The following TRIM55 variants were observed in gnomAD, a reference collection of about 807,000 sequenced individuals.
The protein encoded by TRIM55 is tripartite motif containing 55, also known as tripartite motif-containing protein 55.
In TRIM55, 50 loss-of-function variants were observed where a neutral mutation model predicts 60.9. That is an observed-to-expected ratio of 0.82 (90% CI 0.65 to 1.04). The LOEUF is 1.04. Among genes scored for constraint, TRIM55 ranks in the 50% least tolerant of loss-of-function variants. The pLI, the probability that TRIM55 is intolerant of heterozygous loss-of-function variation, is 0.00. For missense variants in TRIM55, 681 were observed against 666.9 expected (o/e 1.02, Z -0.23); for synonymous variants, 237 against 238.1 (o/e 1.00, Z 0.04).
rs61738600 is a variant in TRIM55, at chr8:66,150,348, G to A, written c.867G>A (p.Ser289=). The change falls in exon 7 of 10, where the codon TCG becomes TCA. Residue 289 remains serine (S), a synonymous_variant. Transcript: ENST00000315962. ...QNAKTLLKKI[S]EASKAFQMEK... The stretch of plus-strand genomic sequence containing the variant: ...CAACTTGTCTTTGTTGCAGAATCTC[G>A]GAAGCATCAAAGGCATTTCAGATGG... 78,829 of 1,614,004 alleles carry A rather than the reference G, an allele frequency of 0.049. 2,823 individuals are homozygous for A. The highest frequency in any genetic ancestry group is 0.18 in the African/African-American group (13,561 of 74,954).
At chr8:66,155,396 T>C (rs1285047867) in intron 9 of TRIM55, among the ~76,000 whole-genome samples, 1 of 152,160 alleles carries the variant, frequency 6.6e-6, no homozygotes, top group Non-Finnish European at 1.5e-5. Context: ...GAGGTGGTTT[T>C]TAGGTAAAAG....
chr8:66,154,259 A>G lies in TRIM55; in HGVS notation c.1449A>G (p.Glu483=), dbSNP rs916725952. ...AGGATTCGAATGTACGGAAGGCAGA[A>G]GTGGCAGCAGCCGCAGCGAGTGAGA... is the stretch of plus-strand genomic sequence containing the variant. The part of the protein sequence containing the change: ...GSEDSNVRKA[E]VAAAAASERA... Residue 483 remains glutamate (E), a synonymous_variant, in exon 9 of 10, where the codon GAA becomes GAG. Transcript: ENST00000315962. 8 of 1,613,404 alleles carry G rather than the reference A, an allele frequency of 5.0e-6. No homozygotes were observed. The highest frequency in any genetic ancestry group is 6.8e-6 in the Non-Finnish European group (8 of 1,179,890).
intron 9 of TRIM55, among the ~76,000 whole-genome samples, chr8:66,155,256 G>A (rs1375098977): frequency 1.3e-5 from 2 of 152,220 alleles, no homozygotes; most frequent in African/African-American, 4.8e-5. Context: ...ATCTGCCCAA[G>A]AGACTTCAAT....
Position 66,150,484 on chromosome 8 carries a change from C to A in TRIM55, c.985+18C>A. ...TTACAGAGGTTTGTTATTCTTTTGA[C>A]CATTTGGCCGAAGTTGCAGGTGTGT... On this transcript the variant is annotated intron_variant, in intron 7 of 9. Coordinates refer to ENST00000315962, the MANE Select transcript of TRIM55 (RefSeq NM_184085.2). 6.2e-7 allele frequency: 1 copy of A among 1,613,242 alleles called. No homozygotes were observed. Among genetic ancestry groups the A allele is most frequent in the Non-Finnish European group, 8.5e-7 (1 of 1,179,574 alleles).
upstream of TRIM55, among the ~76,000 whole-genome samples, chr8:66,122,953 T>C (rs1280709713): frequency 1.3e-5 from 2 of 152,210 alleles, no homozygotes; most frequent in Non-Finnish European, 2.9e-5. Context: ...CAACACTGTC[T>C]CTTCTGAGGA....
chr8:66,160,244 G>T (rs1156290035), intron 9 of TRIM55, among the ~76,000 whole-genome samples: 4 of 152,076 alleles, frequency 2.6e-5, no homozygotes, highest in Non-Finnish European at 5.9e-5. Context: ...AACATACAAT[G>T]TTTGGTTTTC....
At chr8:66,120,467 TGG>T in the TRIM55 span, among the ~76,000 whole-genome samples, 3 of 152,174 alleles carry the variant, frequency 2.0e-5, no homozygotes, top group Non-Finnish European at 4.4e-5. Flanking sequence ...ATGAGAATCT[TGG>T]GGCTTTAAGC....
At chr8:66,116,371 C>T in the TRIM55 span, among the ~76,000 whole-genome samples, 1 of 151,976 alleles carries the variant, frequency 6.6e-6, no homozygotes, top group Non-Finnish European at 1.5e-5. Flanking sequence ...CTTTGAGAGG[C>T]CCGGGCAGAC....
the TRIM55 span, chr8:66,113,623 C>G: frequency 2.2e-6 from 1 of 455,680 alleles, no homozygotes; most frequent in Non-Finnish European, 4.4e-6. Context: ...ATTCGCCCTG[C>G]GGGAACGTGT....
chr8:66,115,569 T>G, the TRIM55 span, among the ~76,000 whole-genome samples: 1 of 152,002 alleles, frequency 6.6e-6, no homozygotes, highest in Non-Finnish European at 1.5e-5. Flanking sequence ...AGGACACACG[T>G]TTCGGGGAGG....
chr8:66,154,710 T>C (rs947402926), intron 9 of TRIM55, among the ~76,000 whole-genome samples: 1 of 152,220 alleles, frequency 6.6e-6, no homozygotes, highest in Non-Finnish European at 1.5e-5. Context: ...TGTGTCCTCC[T>C]TGGGCTTCTA....
rs186036414 is a variant in TRIM55, at chr8:66,139,141, T to C, written c.603+1951T>C. Among the ~76,000 whole-genome samples, 404 of 152,268 alleles carry C rather than the reference T, an allele frequency of 2.7e-3. 1 individual carries two copies. The highest frequency in any genetic ancestry group is 4.4e-3 in the Non-Finnish European group (296 of 68,004). On this transcript the variant is annotated intron_variant, in intron 4 of 9. Transcript: ENST00000315962. ...CTTTTTTCTTTGTACTTATTTACAG[T>C]AAAGGCAAAATACAATTTGGTCATA... is the stretch of plus-strand genomic sequence containing the variant.
intron 9 of TRIM55, among the ~76,000 whole-genome samples, chr8:66,157,561 CTCTTTGAT>C (rs1810813748): frequency 6.6e-6 from 1 of 152,164 alleles, no homozygotes; most frequent in African/African-American, 2.4e-5. Context: ...GGTAAGAGTT[CTCTTTGAT>C]TCAGTGGTGG....
Position 66,150,207 on chromosome 8 carries a change from G to A in TRIM55, c.838-10G>A. The A allele has an allele frequency of 6.2e-7, 1 of 1,612,116 alleles. No homozygotes were observed. Among genetic ancestry groups the A allele is most frequent in the East Asian group, 2.2e-5 (1 of 44,818 alleles). ...ATTTAAGTAAGACTATCTTTTGTTT[G>A]CTTTCACAGAATGCCAAAACCCTGC... On this transcript the variant is annotated splice_polypyrimidine_tract_variant and intron_variant, in intron 5 of 9. Transcript: ENST00000315962.
At chr8:66,151,505 T>TA (rs1243680661) in intron 7 of TRIM55, among the ~76,000 whole-genome samples, 4 of 152,120 alleles carry the variant, frequency 2.6e-5, no homozygotes, top group African/African-American at 7.2e-5. Context: ...TGTATCTTTT[T>TA]AAAAAAATCG....
chr8:66,152,272 A>G (rs1586219603), intron 7 of TRIM55, 105 bp from the exon 8 acceptor site: 2 of 1,443,210 alleles, frequency 1.4e-6, no homozygotes, highest in East Asian at 2.5e-5. Context: ...TCAGAGAAAA[A>G]CTCCCCAGCC....
Position 66,128,360 on chromosome 8 carries a change from A to G in TRIM55, c.225A>G (p.Arg75=). Residue 75 remains arginine, a synonymous_variant, in exon 2 of 10, where the codon CGA becomes CGG. Transcript: ENST00000315962. ...RGGTTMASGG[R]FRCPSCRHEV... ...GTACCACCATGGCATCAGGGGGCCG[A>G]TTCCGCTGCCCATCCTGTAGACATG... 1 of 1,613,756 alleles carries G rather than the reference A, an allele frequency of 6.2e-7. No individual in the cohort carries two copies. Among genetic ancestry groups the G allele is most frequent in the South Asian group, 1.1e-5 (1 of 90,984 alleles).
chr8:66,152,502 G>A lies in TRIM55; in HGVS notation c.1111G>A (p.Glu371Lys), dbSNP rs1563381543. The A allele has an allele frequency of 6.2e-7, 1 of 1,614,166 alleles. No individual in the cohort carries two copies. The highest frequency in any genetic ancestry group is 1.7e-5 in the Admixed American group (1 of 60,014). The change falls in exon 8 of 10, where the codon GAA (glutamate) becomes AAA (lysine). Residue 371 changes from glutamate (E) to lysine (K), a missense_variant. Glu to Lys is a moderately conservative substitution (Grantham distance 56). Coordinates refer to ENST00000315962, the MANE Select transcript of TRIM55 (RefSeq NM_184085.2). ...TCAAACAGAGTTTCCAGGAGAAGAT[G>A]AAAACCCAGAAAAAGCTTCAGAGCT... ...NVQTEFPGED[E>K]NPEKASELSQ...
intron 9 of TRIM55, among the ~76,000 whole-genome samples, chr8:66,160,356 G>GGTGTGTGTGT (rs35422649): frequency 0.012 from 1,747 of 146,020 alleles, 35 homozygotes; most frequent in African/African-American, 0.039. Context: ...AGTATTCCAT[G>GGTGTGTGTGT]GTGTGTGTGT....
Sources: gnomAD v4.1 joint callset for allele counts (sites outside exome capture counted in the v4.1 genomes callset) on GRCh38, gnomAD v4.1.1 for gene constraint, MANE v1.5 for transcripts, NCBI Gene and HGNC (gene_info 2026-07-23, HGNC 2026-07-21) for gene names.